The following PTPRD variants were observed in gnomAD, a reference collection of about 807,000 sequenced individuals.
PTPRD encodes the protein receptor-type tyrosine-protein phosphatase delta.
Under a neutral mutation model 214.5 loss-of-function variants are expected in PTPRD, and 34 were observed. That is an observed-to-expected ratio of 0.16 (90% CI 0.12 to 0.21). The LOEUF (loss-of-function observed/expected upper bound fraction) is 0.21, where lower values mean the gene tolerates loss of function less well. Ranked by LOEUF, PTPRD falls within the 10% of genes least tolerant of loss-of-function variation. PTPRD has a pLI of 1.00. For synonymous variants in PTPRD, 1,128 were observed against 845.7 expected, an observed-to-expected ratio of 1.33 and a Z score of -5.79; for missense variants, 2,545 against 2,398.7, an observed-to-expected ratio of 1.06 and a Z score of -1.27.
intron 9 of PTPRD, among the ~76,000 whole-genome samples, chr9:9,278,365 G>A (rs554191041): frequency 6.6e-6 from 1 of 151,186 alleles, no homozygotes; most frequent in Non-Finnish European, 1.5e-5. Flanking sequence ...ATATACAGTG[G>A]GAAATTCACT....
intron 3 of PTPRD, among the ~76,000 whole-genome samples, chr9:10,150,696 TA>T (rs371720094): frequency 0.011 from 1,646 of 148,284 alleles, 29 homozygotes; most frequent in African/African-American, 0.039. Context: ...TAATAATCTT[TA>T]AAAAAAAAGA....
chr9:8,981,563 C>T (rs1429339852), intron 11 of PTPRD, among the ~76,000 whole-genome samples: 1 of 151,890 alleles, frequency 6.6e-6, no homozygotes, highest in Non-Finnish European at 1.5e-5. Context: ...GAAAGTGGTG[C>T]AACTGTATGT....
At chr9:9,245,456 C>T (rs1017526013) in intron 9 of PTPRD, among the ~76,000 whole-genome samples, 4 of 152,048 alleles carry the variant, frequency 2.6e-5, no homozygotes, top group South Asian at 4.1e-4. Context: ...ATGATGAGTT[C>T]GTGTCCTTTG....
chr9:10,198,696 A>G (rs1349228067), intron 3 of PTPRD, among the ~76,000 whole-genome samples: 2 of 152,166 alleles, frequency 1.3e-5, no homozygotes, highest in Admixed American at 1.3e-4. Context: ...GGTTTACTTA[A>G]TATCATACCT....
intron 3 of PTPRD, among the ~76,000 whole-genome samples, chr9:10,132,937 G>A (rs571332922): frequency 7.5e-5 from 10 of 134,216 alleles, no homozygotes; most frequent in Admixed American, 7.2e-4. Context: ...CAGAAGTGAT[G>A]ATATGTCACT....
At chr9:8,413,363 A>G (rs1274475064) in intron 35 of PTPRD, among the ~76,000 whole-genome samples, 1 of 152,114 alleles carries the variant, frequency 6.6e-6, no homozygotes, top group Non-Finnish European at 1.5e-5. Context: ...TTCAAATCTC[A>G]TTTTCTGATT....
chr9:9,793,742 T>C (rs2098983114), intron 5 of PTPRD, among the ~76,000 whole-genome samples: 1 of 152,108 alleles, frequency 6.6e-6, no homozygotes, highest in Non-Finnish European at 1.5e-5. Context: ...ATCTTATTTG[T>C]TCTTCCTTCT....
In PTPRD at chr9:8,645,396, T is replaced by A. The variant is rs188824498; in HGVS notation, c.65-8552A>T. On this transcript the variant is annotated intron_variant, in intron 12 of 45. Coordinates refer to ENST00000381196, the MANE Select transcript of PTPRD (RefSeq NM_002839.4). ...CTTATACATTCCATTTGCTCATGAT[T>A]TAAAAAGACAAATACCTCAATACAG... 3.3e-4 allele frequency among the ~76,000 whole-genome samples: 51 copies of A among 152,332 alleles called. No homozygotes were observed. The East Asian group carries it at 8.9e-3, about 27-fold the overall frequency.
intron 8 of PTPRD, among the ~76,000 whole-genome samples, chr9:9,495,979 T>C (rs2096166597): frequency 6.6e-6 from 1 of 152,174 alleles, no homozygotes; most frequent in African/African-American, 2.4e-5. Context: ...CGCATGAAGC[T>C]TGCTCCTGTG....
At chr9:8,647,072 C>T (rs982960642) in intron 12 of PTPRD, among the ~76,000 whole-genome samples, 16 of 152,142 alleles carry the variant, frequency 1.1e-4, no homozygotes, top group African/African-American at 2.9e-4. Context: ...TAGATCCATG[C>T]GAAGCCCTAA....
At chr9:9,847,187 T>A (rs1330141498) in intron 5 of PTPRD, among the ~76,000 whole-genome samples, 1 of 152,114 alleles carries the variant, frequency 6.6e-6, no homozygotes, top group Admixed American at 6.6e-5. Context: ...TTTTTCTTTG[T>A]CCCTGTACAT....
At chr9:8,529,594 A>G (rs943553422) in intron 14 of PTPRD, among the ~76,000 whole-genome samples, 4 of 152,130 alleles carry the variant, frequency 2.6e-5, no homozygotes, top group Admixed American at 1.3e-4. Flanking sequence ...TGCTACCCAC[A>G]TCGAAACTGT....
chr9:9,438,943 C>T (rs1465824751), intron 8 of PTPRD, among the ~76,000 whole-genome samples: 2 of 152,056 alleles, frequency 1.3e-5, no homozygotes, highest in Admixed American at 1.3e-4. Flanking sequence ...TCAACTTTAT[C>T]ATTATCAGTC....
At chr9:8,579,317 A>G (rs2092803477) in intron 14 of PTPRD, among the ~76,000 whole-genome samples, 1 of 152,202 alleles carries the variant, frequency 6.6e-6, no homozygotes, top group Non-Finnish European at 1.5e-5. Context: ...TATAATCCTC[A>G]GTAAGAAATA....
At chr9:10,127,991 T>C (rs2098832324) in intron 3 of PTPRD, among the ~76,000 whole-genome samples, 1 of 152,126 alleles carries the variant, frequency 6.6e-6, no homozygotes, top group Non-Finnish European at 1.5e-5. Flanking sequence ...ATGCTTCTGT[T>C]TGACATCATG....
At chr9:8,830,844 T>A (rs1405715171) in intron 11 of PTPRD, among the ~76,000 whole-genome samples, 2 of 152,090 alleles carry the variant, frequency 1.3e-5, no homozygotes, top group African/African-American at 4.8e-5. Context: ...CCTACTAGAG[T>A]GTAAACTGTT....
chr9:10,395,836 C>T (rs1002934254), intron 2 of PTPRD, among the ~76,000 whole-genome samples: 36 of 151,766 alleles, frequency 2.4e-4, no homozygotes, highest in African/African-American at 8.2e-4. Context: ...GAAAAACGTG[C>T]AATTTCCAGG....
chr9:10,559,646 C>G (rs2063408448), intron 2 of PTPRD, among the ~76,000 whole-genome samples: 1 of 152,014 alleles, frequency 6.6e-6, no homozygotes. Flanking sequence ...AGAAAATTTT[C>G]ACAACCTACT....
intron 8 of PTPRD, among the ~76,000 whole-genome samples, chr9:9,497,940 T>A (rs1448172752): frequency 6.6e-6 from 1 of 152,164 alleles, no homozygotes; most frequent in African/African-American, 2.4e-5. Context: ...GCAGGTCAAT[T>A]TAAATGATTC....
Sources: gnomAD v4.1 joint callset for allele counts (sites outside exome capture counted in the v4.1 genomes callset) on GRCh38, gnomAD v4.1.1 for gene constraint, MANE v1.5 for transcripts, NCBI Gene and HGNC (gene_info 2026-07-23, HGNC 2026-07-21) for gene names.